Variants in HIRA observed in about 807,000 individuals in gnomAD.
HIRA encodes the protein histone cell cycle regulator, also known as protein HIRA.
In HIRA, 13 loss-of-function variants were observed where a neutral mutation model predicts 126.6. The ratio of observed to expected loss-of-function variants is 0.10; its 90% CI spans 0.07 to 0.16. The LOEUF (loss-of-function observed/expected upper bound fraction) is 0.16. Ranked by LOEUF, HIRA falls within the 10% of genes least tolerant of loss-of-function variation. HIRA has a pLI of 1.00. For synonymous variants in HIRA, 511 were observed against 520.0 expected, an observed-to-expected ratio of 0.98 and a Z score of 0.24; for missense variants, 834 against 1,314.4, an observed-to-expected ratio of 0.63 and a Z score of 5.65.
At chr22:19,382,031 C>A (rs1271268040) in intron 13 of HIRA, among the ~76,000 whole-genome samples, 1 of 152,168 alleles carries the variant, frequency 6.6e-6, no homozygotes, top group Non-Finnish European at 1.5e-5. Context: ...GCAAAGAAGT[C>A]TCTCATCTTT....
chr22:19,345,310 G>A (rs868980332), intron 24 of HIRA, among the ~76,000 whole-genome samples: 1 of 152,380 alleles, frequency 6.6e-6, no homozygotes, highest in East Asian at 1.9e-4. Context: ...GAAGCTGCAA[G>A]AGGACTTGCC....
chr22:19,405,898 C>CA lies in HIRA; in HGVS notation c.303-19dup. The CA allele has an allele frequency of 1.4e-6, 2 of 1,438,176 alleles. No homozygotes were observed. The highest frequency in any genetic ancestry group is 1.8e-6 in the Non-Finnish European group (2 of 1,083,976). 89.1% of individuals were successfully genotyped at this position (1,438,176 alleles called of 1,614,324 possible). A position where few individuals can be genotyped will look rare whatever the true frequency, so the allele number is the denominator to read the frequency against. ...CGATGTACCTGTGTGAGAAAGGGGCCAAAAAGGCACTCATGGAGTGCTCTG... is the reference window on the plus strand; with the variant it reads ...CGATGTACCTGTGTGAGAAAGGGGCCAAAAAAGGCACTCATGGAGTGCTCTG... On this transcript the variant is annotated intron_variant, in intron 4 of 24. Transcript: ENST00000263208.
chr22:19,367,401 C>G (rs982661610), intron 15 of HIRA, among the ~76,000 whole-genome samples: 44 of 149,610 alleles, frequency 2.9e-4, no homozygotes, highest in African/African-American at 1.1e-3. Context: ...GAGTCTCACT[C>G]TGTTGCTCAG....
intron 15 of HIRA, among the ~76,000 whole-genome samples, chr22:19,372,551 T>G (rs1051681101): frequency 1.3e-5 from 2 of 151,884 alleles, no homozygotes; most frequent in Non-Finnish European, 2.9e-5. Context: ...GATAGTGCTT[T>G]GGAAGCAAAA....
chr22:19,376,739 GA>G (rs1447562219), intron 14 of HIRA, among the ~76,000 whole-genome samples: 2 of 152,222 alleles, frequency 1.3e-5, no homozygotes, highest in Non-Finnish European at 2.9e-5. Context: ...CTAGCACCCA[GA>G]AGTAGGAGGC....
chr22:19,373,333 A>G (rs1436295983), intron 15 of HIRA, among the ~76,000 whole-genome samples: 1 of 152,218 alleles, frequency 6.6e-6, no homozygotes, highest in Non-Finnish European at 1.5e-5. Context: ...CATATTTTAT[A>G]GTGCCATCTG....
chr22:19,406,029 G>T (rs1036597038), intron 4 of HIRA, 149 bp from the exon 5 acceptor site: 1 of 428,588 alleles, frequency 2.3e-6, no homozygotes, highest in South Asian at 1.0e-4. Flanking sequence ...AAAAGGGGCT[G>T]GTTAGGTGAA....
chr22:19,395,041 G>A (rs1457076210), intron 7 of HIRA, among the ~76,000 whole-genome samples: 3 of 152,216 alleles, frequency 2.0e-5, no homozygotes, highest in East Asian at 1.9e-4. Flanking sequence ...GAGGATACCC[G>A]CAAGGGAGAA....
At chr22:19,393,063 C>T in intron 8 of HIRA, among the ~76,000 whole-genome samples, 1 of 152,060 alleles carries the variant, frequency 6.6e-6, no homozygotes, top group East Asian at 1.9e-4. Flanking sequence ...AACTCAGAGG[C>T]GTGTCCCTGG....
Position 19,408,583 on chromosome 22 carries a change from A to G in HIRA, c.111T>C (p.Ser37=). The change falls in exon 3 of 25, where the codon TCT becomes TCC. Residue 37 remains serine, a synonymous_variant. Coordinates refer to ENST00000263208, the MANE Select transcript of HIRA (RefSeq NM_003325.4). ...KFATGGQGQD[S]GKVVIWNMSP... is the part of the protein sequence containing the mutation. ...ACATATTCCAGATCACAACCTTCCC[A>G]GAATCCTGCCCTGGAACAAAGGAGC... 6.2e-6 allele frequency: 10 copies of G among 1,608,328 alleles called. No individual in the cohort carries two copies. The highest frequency in any genetic ancestry group is 7.7e-6 in the Non-Finnish European group (9 of 1,174,724).
intron 18 of HIRA, among the ~76,000 whole-genome samples, chr22:19,358,052 T>C (rs920690025): frequency 1.3e-5 from 2 of 151,786 alleles, no homozygotes; most frequent in African/African-American, 2.4e-5. Flanking sequence ...CAGGCTGGAG[T>C]GTAGTGGCGT....
At chr22:19,419,634 G>A (rs931538544) in intron 1 of HIRA, among the ~76,000 whole-genome samples, 1 of 152,200 alleles carries the variant, frequency 6.6e-6, no homozygotes, top group African/African-American at 2.4e-5. Flanking sequence ...AAGTAGATCA[G>A]CTCTTTTGTC....
At chr22:19,388,857 G>A (rs538997775) in intron 9 of HIRA, among the ~76,000 whole-genome samples, 2 of 152,318 alleles carry the variant, frequency 1.3e-5, no homozygotes, top group East Asian at 3.9e-4. Flanking sequence ...GGTTTCTGAA[G>A]GGCTATGGTC....
At chr22:19,356,849 GC>G in intron 19 of HIRA, 40 bp downstream of exon 19, 4 of 1,602,472 alleles carry the variant, frequency 2.5e-6, no homozygotes, top group Non-Finnish European at 3.4e-6. Flanking sequence ...GCCCTGTCCT[GC>G]CCTGGCTGAA....
chr22:19,359,529 C>T (rs778007150), intron 17 of HIRA, 45 bp from the exon 18 acceptor site: 1 of 1,503,966 alleles, frequency 6.6e-7, no homozygotes, highest in African/African-American at 1.4e-5. Flanking sequence ...AGGGCCGCAG[C>T]CCAGGTGACA....
intron 7 of HIRA, among the ~76,000 whole-genome samples, chr22:19,395,645 C>T (rs2089217156): frequency 6.6e-6 from 1 of 152,230 alleles, no homozygotes; most frequent in Admixed American, 6.5e-5. Context: ...GCTCTTCCTG[C>T]AAACCTTCCC....
At chr22:19,352,965 C>T (rs2088773658) in intron 23 of HIRA, among the ~76,000 whole-genome samples, 1 of 152,236 alleles carries the variant, frequency 6.6e-6, no homozygotes, top group African/African-American at 2.4e-5. Context: ...GCAAGCCTGT[C>T]CAGGGCAGGA....
At position 19,431,468 on chromosome 22, in the gene HIRA, G is replaced by A. The variant is rs151154041; in HGVS notation, c.9C>T (p.Leu3=). 258 of 1,606,266 alleles carry A rather than the reference G, an allele frequency of 1.6e-4. No homozygotes were observed. The African/African-American group carries it at 2.6e-3, about 16-fold the overall frequency. The change falls in exon 1 of 25, where the codon CTC becomes CTT. Residue 3 remains leucine (L), a synonymous_variant. Coordinates refer to ENST00000263208, the MANE Select transcript of HIRA (RefSeq NM_003325.4). Reference sequence around the variant, plus strand: ...TGTGGTTGACCCAGGTCGGCTTCAGGAGCTTCATTGTTCGGCCGCCGCCGC... The same window carrying A: ...TGTGGTTGACCCAGGTCGGCTTCAGAAGCTTCATTGTTCGGCCGCCGCCGC... MK[L]LKPTWVNHNG...
chr22:19,384,660 C>CT (rs938408159), intron 12 of HIRA, among the ~76,000 whole-genome samples: 91 of 144,714 alleles, frequency 6.3e-4, no homozygotes, highest in East Asian at 1.0e-3. Flanking sequence ...TTCTTTCTTT[C>CT]TTTTTTTTTT....
Sources: allele counts gnomAD v4.1 joint callset (sites outside exome capture counted in the v4.1 genomes callset), GRCh38; gene constraint gnomAD v4.1.1; transcripts MANE v1.5; gene names NCBI Gene and HGNC (gene_info 2026-07-23, HGNC 2026-07-21).